The following ANKRD42 variants were observed in gnomAD, a reference collection of about 807,000 sequenced individuals.
ANKRD42 encodes ankyrin repeat domain 42.
A neutral mutation model predicts 51.5 loss-of-function variants in ANKRD42; 43 were observed. The observed-to-expected ratio is 0.83, with a 90% confidence interval of 0.65 to 1.08. The LOEUF is 1.08. ANKRD42 is among the 50% of genes least tolerant of loss of function. ANKRD42 has a pLI of 0.00. For missense variants in ANKRD42, 608 were observed against 629.3 expected (o/e 0.97, Z 0.36); for synonymous variants, 203 against 213.0 (o/e 0.95, Z 0.41).
At chr11:83,220,773 A>G (rs935491104) in intron 5 of ANKRD42, among the ~76,000 whole-genome samples, 1 of 151,720 alleles carries the variant, frequency 6.6e-6, no homozygotes, top group Admixed American at 6.6e-5. Flanking sequence ...GCACCTTTAT[A>G]TGTTATTCGT....
At chr11:83,197,168 T>C (rs1861692966) in intron 1 of ANKRD42, among the ~76,000 whole-genome samples, 1 of 152,240 alleles carries the variant, frequency 6.6e-6, no homozygotes, top group Non-Finnish European at 1.5e-5. Context: ...TTCAAGGTCT[T>C]GCTTGAATGT....
At chr11:83,249,534 T>C (rs1431381667), downstream of ANKRD42, among the ~76,000 whole-genome samples, 1 of 152,228 alleles carries the variant, frequency 6.6e-6, no homozygotes, top group Non-Finnish European at 1.5e-5. Flanking sequence ...CTGTCTACTT[T>C]AGGAATGTTT....
chr11:83,222,712 G>A (rs1216732807), intron 5 of ANKRD42, among the ~76,000 whole-genome samples: 2 of 152,024 alleles, frequency 1.3e-5, no homozygotes, highest in African/African-American at 2.4e-5. Flanking sequence ...ACAGAAGTGA[G>A]GGGGTGAGTA....
intron 5 of ANKRD42, among the ~76,000 whole-genome samples, chr11:83,217,776 CTT>C (rs1210704318): frequency 2.0e-5 from 3 of 152,328 alleles, no homozygotes; most frequent in African/African-American, 2.4e-5. Context: ...GTTGGACAAT[CTT>C]TAAGTATCCT....
At chr11:83,209,296 T>C (rs554394512) in intron 3 of ANKRD42, 2 of 708,622 alleles carry the variant, frequency 2.8e-6, no homozygotes, top group African/African-American at 1.8e-5. Flanking sequence ...TTCTAGGCAA[T>C]GTTAAAACAT....
downstream of ANKRD42, among the ~76,000 whole-genome samples, chr11:83,263,152 T>G (rs191542080): frequency 6.6e-6 from 1 of 152,170 alleles, no homozygotes; most frequent in Non-Finnish European, 1.5e-5. Context: ...ACTGTGACAC[T>G]TGAAAGACTC....
chr11:83,213,927 G>C (rs1007272855), intron 5 of ANKRD42: 1 of 152,018 alleles, frequency 6.6e-6, no homozygotes, highest in African/African-American at 2.4e-5. Flanking sequence ...GTCTTGCTCT[G>C]TCGCACAGGC....
chr11:83,219,588 C>T (rs923729241), intron 5 of ANKRD42, among the ~76,000 whole-genome samples: 62 of 152,360 alleles, frequency 4.1e-4, no homozygotes, highest in African/African-American at 1.4e-3. Flanking sequence ...AAGCCCCTCT[C>T]TCAAGGCGGT....
chr11:83,255,779 T>C (rs1056427767), intron 11 of ANKRD42: 11 of 1,282,136 alleles, frequency 8.6e-6, no homozygotes, highest in Non-Finnish European at 1.1e-5. Flanking sequence ...GAACAGGCAA[T>C]GTAGAAAGAC....
At position 83,230,570 on chromosome 11, in the gene ANKRD42, T is replaced by C. The variant is rs994959219; in HGVS notation, c.913+2698T>C. Among the ~76,000 whole-genome samples the C allele has an allele frequency of 1.3e-5, 2 of 152,086 alleles. 1 individual carries two copies. Among genetic ancestry groups the C allele is most frequent in the South Asian group, 4.1e-4 (2 of 4,826 alleles). On this transcript the variant is annotated intron_variant, in intron 7 of 10. Transcript: ENST00000533342. ...ATGATCTCCAGTTCTATCCATGTTGTTGCAAATGACAAGATCTTATTCTTT... is the reference window on the plus strand; with the variant it reads ...ATGATCTCCAGTTCTATCCATGTTGCTGCAAATGACAAGATCTTATTCTTT...
At chr11:83,245,181 G>A (rs1863506163) in intron 9 of ANKRD42, among the ~76,000 whole-genome samples, 1 of 152,216 alleles carries the variant, frequency 6.6e-6, no homozygotes, top group Non-Finnish European at 1.5e-5. Context: ...TGGGATTAAG[G>A]CGTGAACCGC....
intron 5 of ANKRD42, among the ~76,000 whole-genome samples, chr11:83,218,848 G>C (rs1268895130): frequency 6.6e-6 from 1 of 152,182 alleles, no homozygotes; most frequent in Non-Finnish European, 1.5e-5. Flanking sequence ...GGCAAAGAAA[G>C]CCTGTACATA....
intron 7 of ANKRD42, among the ~76,000 whole-genome samples, chr11:83,230,609 C>T (rs530569935): frequency 3.5e-3 from 533 of 150,516 alleles, no homozygotes; most frequent in African/African-American, 4.9e-3. Context: ...TTTTTTGAGA[C>T]GGAGTCTCAC....
intron 5 of ANKRD42, among the ~76,000 whole-genome samples, 192 bp from the exon 6 acceptor site, chr11:83,224,663 C>T (rs933683775): frequency 1.3e-5 from 2 of 152,040 alleles, no homozygotes; most frequent in Non-Finnish European, 2.9e-5. Context: ...CCTGCCTGTA[C>T]TCCCAGCTAC....
At chr11:83,253,060 C>A (rs1283600524), downstream of ANKRD42, among the ~76,000 whole-genome samples, 1 of 152,126 alleles carries the variant, frequency 6.6e-6, no homozygotes, top group Admixed American at 6.5e-5. Context: ...TGGTTACCTT[C>A]CATGTTTCAC....
intron 3 of ANKRD42, among the ~76,000 whole-genome samples, chr11:83,208,727 G>C (rs1459414144): frequency 4.6e-5 from 7 of 152,194 alleles, no homozygotes; most frequent in African/African-American, 1.7e-4. Context: ...AAGGAAGATT[G>C]GGAGGAAAGA....
downstream of ANKRD42, among the ~76,000 whole-genome samples, chr11:83,251,510 T>C (rs1183558405): frequency 6.6e-6 from 1 of 152,176 alleles, no homozygotes; most frequent in African/African-American, 2.4e-5. Flanking sequence ...AACTCTCAGA[T>C]AAAATAAACA....
intron 7 of ANKRD42, among the ~76,000 whole-genome samples, chr11:83,234,936 G>C (rs1226949583): frequency 6.6e-6 from 1 of 152,172 alleles, no homozygotes; most frequent in Admixed American, 6.5e-5. Flanking sequence ...TGTAGTGATA[G>C]GGTTGTTTAG....
chr11:83,213,543 G>T, intron 5 of ANKRD42: 13 of 1,252,702 alleles, frequency 1.0e-5, no homozygotes, highest in South Asian at 9.2e-5. Context: ...TTTCACATAT[G>T]GTATTATTAG....
Sources: gnomAD v4.1 joint callset for allele counts (sites outside exome capture counted in the v4.1 genomes callset) on GRCh38, gnomAD v4.1.1 for gene constraint, MANE v1.5 for transcripts, NCBI Gene and HGNC (gene_info 2026-07-23, HGNC 2026-07-21) for gene names.